GRK5: variants seen among roughly 807,000 people sequenced by gnomAD.
GRK5 encodes the protein g protein-coupled receptor kinase GRK5.
Under a neutral mutation model 78.4 loss-of-function variants are expected in GRK5, and 40 were observed. The ratio of observed to expected loss-of-function variants is 0.51; its 90% CI spans 0.40 to 0.66. GRK5 has a LOEUF of 0.66. GRK5 is among the 30% of genes least tolerant of loss of function. The pLI is 0.00. For synonymous variants in GRK5, 289 were observed against 296.8 expected, an observed-to-expected ratio of 0.97 and a Z score of 0.27; for missense variants, 598 against 759.9, an observed-to-expected ratio of 0.79 and a Z score of 2.50.
intron 1 of GRK5, among the ~76,000 whole-genome samples, chr10:119,270,392 A>T (rs1019990102): frequency 6.6e-6 from 1 of 152,238 alleles, no homozygotes; most frequent in Admixed American, 6.5e-5. Context: ...TCCCTAAACA[A>T]TACGTTATAG....
At chr10:119,260,633 T>A (rs1033292552) in intron 1 of GRK5, among the ~76,000 whole-genome samples, 26 of 151,976 alleles carry the variant, frequency 1.7e-4, no homozygotes, top group Non-Finnish European at 3.2e-4. Context: ...CCTTCAAGCA[T>A]CTGTTTAACA....
At chr10:119,395,163 G>C (rs1405675715) in intron 3 of GRK5, among the ~76,000 whole-genome samples, 1 of 152,146 alleles carries the variant, frequency 6.6e-6, no homozygotes, top group Non-Finnish European at 1.5e-5. Flanking sequence ...TAAAATGAGG[G>C]GTGGGATTCC....
intron 1 of GRK5, among the ~76,000 whole-genome samples, chr10:119,219,315 G>A (rs1848626735): frequency 6.6e-6 from 1 of 152,208 alleles, no homozygotes; most frequent in African/African-American, 2.4e-5. Flanking sequence ...CTGGGCTCAA[G>A]TGATCCTCCT....
At position 119,374,209 on chromosome 10, in the gene GRK5, T is replaced by G. The variant is rs144710490; in HGVS notation, c.149-6606T>G. ...GCAGGTTGAGAAGGGGCTTAGAGGT[T>G]ATTATTCGAACCCCCTTATTTTATG... On this transcript the variant is annotated intron_variant, in intron 2 of 15. Transcript: ENST00000392870. 2.8e-4 allele frequency among the ~76,000 whole-genome samples: 43 copies of G among 152,302 alleles called. 1 individual carries two copies. Among genetic ancestry groups the G allele is most frequent in the South Asian group, 1.9e-3 (9 of 4,826 alleles).
At chr10:119,308,364 G>A (rs1850305297) in intron 1 of GRK5, among the ~76,000 whole-genome samples, 2 of 151,664 alleles carry the variant, frequency 1.3e-5, no homozygotes, top group Admixed American at 1.3e-4. Context: ...CATGGTAGAA[G>A]TGACTGGGAA....
intron 3 of GRK5, among the ~76,000 whole-genome samples, chr10:119,387,164 C>A (rs1244011011): frequency 6.6e-6 from 1 of 152,088 alleles, no homozygotes; most frequent in Non-Finnish European, 1.5e-5. Context: ...ACCACCACAC[C>A]CAGCTAATTT....
intron 1 of GRK5, among the ~76,000 whole-genome samples, chr10:119,221,348 T>G (rs1848654423): frequency 6.6e-6 from 1 of 152,214 alleles, no homozygotes; most frequent in South Asian, 2.1e-4. Context: ...GTACACACTG[T>G]TCCGCAGCTG....
At chr10:119,311,298 C>T (rs1250238268) in intron 1 of GRK5, among the ~76,000 whole-genome samples, 1 of 152,182 alleles carries the variant, frequency 6.6e-6, no homozygotes, top group African/African-American at 2.4e-5. Flanking sequence ...GGGATACCCA[C>T]TCACATGAAG....
At chr10:119,229,111 T>A (rs989587788) in intron 1 of GRK5, among the ~76,000 whole-genome samples, 1 of 151,950 alleles carries the variant, frequency 6.6e-6, no homozygotes, top group Admixed American at 6.6e-5. Flanking sequence ...TTTCGGAAAA[T>A]CAAATTTTGT....
intron 1 of GRK5, among the ~76,000 whole-genome samples, chr10:119,286,879 C>CT (rs1193887624): frequency 6.6e-6 from 1 of 152,168 alleles, no homozygotes; most frequent in African/African-American, 2.4e-5. Context: ...TGGTAAAACT[C>CT]TTTTTCTTGT....
intron 4 of GRK5, among the ~76,000 whole-genome samples, chr10:119,401,369 T>C (rs1251804743): frequency 6.6e-6 from 1 of 152,188 alleles, no homozygotes; most frequent in Admixed American, 6.5e-5. Flanking sequence ...CAGTCGCCCA[T>C]ACAAGGCCAG....
At chr10:119,392,819 C>T (rs1851906695) in intron 3 of GRK5, among the ~76,000 whole-genome samples, 1 of 152,342 alleles carries the variant, frequency 6.6e-6, no homozygotes, top group South Asian at 2.1e-4. Context: ...GTCACGAGGG[C>T]ACTCTTTGCA....
At chr10:119,313,009 C>CTGATGGTGGTGGTAATGGTGGT (rs1564886922) in intron 1 of GRK5, among the ~76,000 whole-genome samples, 21 of 5,692 alleles carry the variant, frequency 3.7e-3, no homozygotes, top group African/African-American at 0.011. Context: ...GTGGTCGTGA[C>CTGATGGTGGTGGTAATGGTGGT]GGTGATGGTA....
At chr10:119,437,093 T>C (rs1228493919) in intron 9 of GRK5, among the ~76,000 whole-genome samples, 1 of 152,264 alleles carries the variant, frequency 6.6e-6, no homozygotes, top group Non-Finnish European at 1.5e-5. Context: ...AGTGAAATGA[T>C]GTTCCTGAAA....
intron 1 of GRK5, among the ~76,000 whole-genome samples, chr10:119,230,830 C>CAAAAA (rs5788332): frequency 9.8e-5 from 6 of 61,508 alleles, no homozygotes; most frequent in African/African-American, 1.4e-4. Context: ...GACCCTATCT[C>CAAAAA]AAAAAAAAAA....
At chr10:119,415,819 G>A (rs1852437951) in intron 4 of GRK5, among the ~76,000 whole-genome samples, 8 of 152,188 alleles carry the variant, frequency 5.3e-5, no homozygotes, top group Admixed American at 3.9e-4. Flanking sequence ...TCCTGGCCCC[G>A]CCATGGGCCA....
Position 119,243,569 on chromosome 10 carries a change from T to TCTTTC in GRK5, c.52+35600_52+35601insCTTTC, listed in dbSNP as rs11374312. Among the ~76,000 whole-genome samples the TCTTTC allele has an allele frequency of 3.3e-3, 477 of 145,130 alleles. 3 individuals carry two copies. The highest frequency in any genetic ancestry group is 0.012 in the South Asian group (54 of 4,674). On this transcript the variant is annotated intron_variant, in intron 1 of 15. Transcript: ENST00000392870. The stretch of plus-strand genomic sequence containing the variant: ...TCAAACAATGTTCCCAGTTTTTCTT[T>TCTTTC]TTTTTTTTTTTTTTCTTTCTGTCCC...
rs12721545 is a variant in GRK5, at chr10:119,431,614, C to T, written c.738+87C>T. On this transcript the variant is annotated intron_variant, in intron 8 of 15. Transcript: ENST00000392870. The surrounding 1 kb of genome is among the most constrained non-coding windows in gnomAD (Gnocchi z 4.8). ...TCCGGAAGGGCGTGGTCCTCTAATG[C>T]GGCCGGTCCCCACCCCTGGGAAGGG... 1,985 of 1,472,688 alleles carry T rather than the reference C, an allele frequency of 1.3e-3. 25 individuals are homozygous for T. The African/African-American group carries it at 0.025, about 18-fold the overall frequency. The allele number at this position is 1,472,688 out of a possible 1,614,324, so 91.2% of individuals were successfully genotyped here. A position where few individuals can be genotyped will look rare whatever the true frequency, so the allele number is the denominator to read the frequency against.
At position 119,238,481 on chromosome 10, in the gene GRK5, G is replaced by A. The variant is rs536544288; in HGVS notation, c.52+30512G>A. ...ATACTACACACCCCACCCCTCAACC[G>A]CCTGAGAAATTTCTGGAACTGCGTT... On this transcript the variant is annotated intron_variant, in intron 1 of 15. Transcript: ENST00000392870. The surrounding 1 kb of genome is among the most constrained non-coding windows in gnomAD (Gnocchi z 4.7). Among the ~76,000 whole-genome samples the A allele has an allele frequency of 4.6e-5, 7 of 152,076 alleles. No homozygotes were observed. The highest frequency in any genetic ancestry group is 1.7e-4 in the African/African-American group (7 of 41,490).
Sources: gnomAD v4.1 joint callset for allele counts (sites outside exome capture counted in the v4.1 genomes callset) on GRCh38, gnomAD v4.1.1 for gene constraint, Gnocchi (gnomAD v3.1) non-coding constraint, MANE v1.5 for transcripts, NCBI Gene and HGNC (gene_info 2026-07-23, HGNC 2026-07-21) for gene names.